The following AK8 variants were observed in gnomAD, a reference collection of about 807,000 sequenced individuals.
AK8 encodes adenylate kinase 8.
Under a neutral mutation model 54.6 loss-of-function variants are expected in AK8, and 44 were observed. The ratio of observed to expected loss-of-function variants is 0.81; its 90% CI spans 0.63 to 1.04. The LOEUF (loss-of-function observed/expected upper bound fraction) is 1.04, where lower values mean the gene tolerates loss of function less well. Among genes scored for constraint, AK8 ranks in the 50% least tolerant of loss-of-function variants. The probability of loss-of-function intolerance (pLI) is 0.00; values close to 1 mark genes in which losing one functional copy is unlikely to be tolerated. For synonymous variants in AK8, 239 were observed against 245.6 expected, an observed-to-expected ratio of 0.97 and a Z score of 0.25; for missense variants, 555 against 613.6, an observed-to-expected ratio of 0.90 and a Z score of 1.01.
At chr9:132,857,392 C>G (rs573144545) in intron 4 of AK8, among the ~76,000 whole-genome samples, 1 of 152,154 alleles carries the variant, frequency 6.6e-6, no homozygotes, top group Non-Finnish European at 1.5e-5. Flanking sequence ...CTGGGGGAAG[C>G]TGCTAGAGAG....
At chr9:132,820,672 C>T (rs904443024) in intron 9 of AK8, among the ~76,000 whole-genome samples, 2 of 152,258 alleles carry the variant, frequency 1.3e-5, no homozygotes, top group African/African-American at 4.8e-5. Context: ...TCCGTATATA[C>T]TCCCATCATC....
At position 132,741,063 on chromosome 9, in the gene AK8, C is replaced by T. The variant is rs1326847855; in HGVS notation, c.1122-13529G>A. Among the ~76,000 whole-genome samples, 8 of 152,140 alleles carry T rather than the reference C, an allele frequency of 5.3e-5. No individual in the cohort carries two copies. In the South Asian group the frequency reaches 6.2e-4, roughly 12 times the overall value. ...TGCCACATGGTGGGAGTGCCTTTTCCCCCCATTTCCTGGGGGCACCCTGGG... is the reference window on the plus strand; with the variant it reads ...TGCCACATGGTGGGAGTGCCTTTTCTCCCCATTTCCTGGGGGCACCCTGGG... On this transcript the variant is annotated intron_variant, in intron 11 of 12. Coordinates refer to ENST00000298545, the MANE Select transcript of AK8 (RefSeq NM_152572.3).
rs1374588722 is a variant in AK8, at chr9:132,826,185, T to C, written c.757+669A>G. On this transcript the variant is annotated intron_variant, in intron 8 of 12. Coordinates refer to ENST00000298545, the MANE Select transcript of AK8 (RefSeq NM_152572.3). The surrounding 1 kb of genome is among the most constrained non-coding windows in gnomAD (Gnocchi z 4.5). ...GGGAGGAGGGCACAAGTTTTGTTCC[T>C]ATTTTAGCGATGCCAAAACTAGGGC... Among the ~76,000 whole-genome samples the C allele has an allele frequency of 1.3e-5, 2 of 152,204 alleles. No individual in the cohort carries two copies. Among genetic ancestry groups the C allele is most frequent in the African/African-American group, 4.8e-5 (2 of 41,450 alleles).
chr9:132,872,114 C>A (rs983598291), intron 2 of AK8, among the ~76,000 whole-genome samples: 2 of 152,150 alleles, frequency 1.3e-5, no homozygotes, highest in African/African-American at 4.8e-5. Context: ...GCAAGAGGAT[C>A]ACTTGAGCCT....
At chr9:132,846,240 C>T (rs1842743854) in intron 5 of AK8, among the ~76,000 whole-genome samples, 3 of 152,218 alleles carry the variant, frequency 2.0e-5, no homozygotes, top group Admixed American at 1.3e-4. Flanking sequence ...TATCCAGACA[C>T]CCACCCTGGG....
chr9:132,843,042 C>G (rs914382350), intron 5 of AK8, among the ~76,000 whole-genome samples: 3 of 152,342 alleles, frequency 2.0e-5, no homozygotes, highest in African/African-American at 7.2e-5. Context: ...GTCCTGCCCC[C>G]ACTCAAGGGG....
At chr9:132,809,770 A>G (rs775946152) in intron 10 of AK8, among the ~76,000 whole-genome samples, 2 of 152,186 alleles carry the variant, frequency 1.3e-5, no homozygotes, top group African/African-American at 2.4e-5. Context: ...CTCAAGCCCA[A>G]ACAGTGGGGT....
intron 4 of AK8, among the ~76,000 whole-genome samples, chr9:132,862,862 T>C (rs754715903): frequency 6.6e-6 from 1 of 151,678 alleles, no homozygotes; most frequent in African/African-American, 2.4e-5. Flanking sequence ...AATGGAGTGG[T>C]GGTCACGAGT....
chr9:132,820,816 G>A (rs1245220746), intron 9 of AK8, among the ~76,000 whole-genome samples: 1 of 152,208 alleles, frequency 6.6e-6, no homozygotes, highest in Middle Eastern at 3.2e-3. Flanking sequence ...GCGGATGGCC[G>A]CAGCGGAGCA....
Position 132,853,622 on chromosome 9 carries a change from C to T in AK8, c.402+1235G>A, listed in dbSNP as rs569709724. The stretch of plus-strand genomic sequence containing the variant: ...ACCAGCCTGAGAAATAGAGGGAGAT[C>T]CAGTCTACAAAAAATTAGCTGGGCA... On this transcript the variant is annotated intron_variant, in intron 5 of 12. Transcript: ENST00000298545. 2.7e-5 allele frequency among the ~76,000 whole-genome samples: 4 copies of T among 150,914 alleles called. No homozygotes were observed. In the South Asian group the frequency reaches 6.3e-4, roughly 24 times the overall value.
intron 2 of AK8, among the ~76,000 whole-genome samples, chr9:132,871,514 C>T (rs543611767): frequency 1.3e-5 from 2 of 152,326 alleles, no homozygotes; most frequent in Admixed American, 1.3e-4. Context: ...AATGAACTCT[C>T]CAAAACAGTG....
chr9:132,857,172 T>C (rs1202359066), intron 4 of AK8, among the ~76,000 whole-genome samples: 3 of 152,150 alleles, frequency 2.0e-5, no homozygotes, highest in African/African-American at 7.2e-5. Context: ...AGCCAGTGGT[T>C]CTCAATTTGA....
At chr9:132,844,299 A>G (rs1463239654) in intron 5 of AK8, among the ~76,000 whole-genome samples, 1 of 60,726 alleles carries the variant, frequency 1.6e-5, no homozygotes, top group East Asian at 5.1e-4. Context: ...CATTAGACCA[A>G]AAAAAAAAAA....
rs1346577133 is a variant in AK8, at chr9:132,803,080, G to T, written c.980-10305C>A. ...TCACATAGCGGCAGCCAGGAGAGGT[G>T]CAGAGCGAAGGGGCAGAGCGGGGGA... On this transcript the variant is annotated intron_variant, in intron 10 of 12. Transcript: ENST00000298545. The surrounding 1 kb of genome is among the most constrained non-coding windows in gnomAD (Gnocchi z 4.4). Among the ~76,000 whole-genome samples the T allele has an allele frequency of 6.6e-6, 1 of 152,210 alleles. No individual in the cohort carries two copies. The highest frequency in any genetic ancestry group is 2.4e-5 in the African/African-American group (1 of 41,452).
intron 9 of AK8, among the ~76,000 whole-genome samples, chr9:132,818,547 G>C (rs1841435818): frequency 6.6e-6 from 1 of 151,918 alleles, no homozygotes. Context: ...AATCCCTAGA[G>C]CAACCACTAA....
In AK8 at chr9:132,869,790, A is replaced by G. The variant is rs139509361; in HGVS notation, c.170-2837T>C. 2.7e-3 allele frequency among the ~76,000 whole-genome samples: 405 copies of G among 152,284 alleles called. 4 individuals are homozygous for G. The highest frequency in any genetic ancestry group is 9.5e-3 in the African/African-American group (396 of 41,572). On this transcript the variant is annotated intron_variant, in intron 2 of 12. Transcript: ENST00000298545. The stretch of plus-strand genomic sequence containing the variant: ...GAGGTGAGATGGGAGCCAGAGTGCC[A>G]TGGGAGGTTTGTGGGGAGGAGTGGC...
intron 11 of AK8, among the ~76,000 whole-genome samples, chr9:132,760,926 T>G (rs1838428944): frequency 6.6e-6 from 1 of 152,164 alleles, no homozygotes; most frequent in African/African-American, 2.4e-5. Flanking sequence ...CACAATTGGA[T>G]TGGATTTGCT....
At chr9:132,763,714 T>C (rs1838590500) in intron 11 of AK8, among the ~76,000 whole-genome samples, 1 of 152,250 alleles carries the variant, frequency 6.6e-6, no homozygotes, top group Non-Finnish European at 1.5e-5. Context: ...CTCCACCCAC[T>C]TGGCAGCGCT....
chr9:132,810,536 T>C (rs1296240801), intron 10 of AK8, among the ~76,000 whole-genome samples: 1 of 152,104 alleles, frequency 6.6e-6, no homozygotes, highest in Admixed American at 6.6e-5. Flanking sequence ...TAACAATAGG[T>C]CCCATTTACT....
Sources: allele counts gnomAD v4.1 joint callset (sites outside exome capture counted in the v4.1 genomes callset), GRCh38; gene constraint gnomAD v4.1.1; non-coding constraint Gnocchi (gnomAD v3.1); transcripts MANE v1.5; gene names NCBI Gene and HGNC (gene_info 2026-07-23, HGNC 2026-07-21).